The following RAD51B variants were observed in gnomAD, a reference collection of about 807,000 sequenced individuals.
RAD51B encodes the protein RAD51 paralog B, also known as DNA repair protein RAD51 homolog 2.
RAD51B carries 38 observed loss-of-function variants against 42.2 expected under a neutral mutation model. The ratio of observed to expected loss-of-function variants is 0.90; its 90% CI spans 0.70 to 1.18. The LOEUF (loss-of-function observed/expected upper bound fraction) is 1.18. RAD51B is among the 50% of genes most tolerant of loss of function. The pLI is 0.00. For missense variants in RAD51B, 373 were observed against 400.7 expected (o/e 0.93, Z 0.59); for synonymous variants, 154 against 145.2 (o/e 1.06, Z -0.43).
intron 10 of RAD51B, chr14:68,545,484 A>T: frequency 2.3e-6 from 1 of 443,388 alleles, no homozygotes; most frequent in Admixed American, 2.4e-5. Flanking sequence ...TCAGAATGGA[A>T]CAATATTGCC....
At chr14:67,826,814 C>CT (rs1469740812) in intron 3 of RAD51B, among the ~76,000 whole-genome samples, 1 of 152,004 alleles carries the variant, frequency 6.6e-6, no homozygotes, top group African/African-American at 2.4e-5. Flanking sequence ...TCCCGAGTGG[C>CT]TGGGACTACA....
intron 7 of RAD51B, among the ~76,000 whole-genome samples, chr14:67,999,644 C>T (rs144991744): frequency 2.1e-4 from 32 of 152,242 alleles, no homozygotes; most frequent in African/African-American, 7.2e-4. Flanking sequence ...GATAATAGTA[C>T]GTTATAGGAC....
At chr14:68,121,624 G>C (rs372898058) in intron 7 of RAD51B, among the ~76,000 whole-genome samples, 1 of 151,930 alleles carries the variant, frequency 6.6e-6, no homozygotes, top group Non-Finnish European at 1.5e-5. Context: ...TATTGTTATA[G>C]TAGCACTAGA....
At chr14:68,671,722 A>C (rs998670433) in intron 11 of RAD51B, among the ~76,000 whole-genome samples, 1 of 151,906 alleles carries the variant, frequency 6.6e-6, no homozygotes, top group African/African-American at 2.4e-5. Flanking sequence ...GTGTCCCCTA[A>C]CCTTGTCTCA....
At chr14:68,364,614 A>T (rs2083103080) in intron 8 of RAD51B, among the ~76,000 whole-genome samples, 2 of 152,150 alleles carry the variant, frequency 1.3e-5, no homozygotes, top group African/African-American at 4.8e-5. Context: ...ACAGCCTCAC[A>T]GGGCGCTGTG....
chr14:67,843,937 T>A (rs1208888946), intron 4 of RAD51B, among the ~76,000 whole-genome samples: 2 of 152,114 alleles, frequency 1.3e-5, no homozygotes. Flanking sequence ...CTAGGTTAGA[T>A]GTTAGGTTAT....
intron 7 of RAD51B, among the ~76,000 whole-genome samples, chr14:68,192,157 T>G (rs891169783): frequency 6.6e-6 from 1 of 152,176 alleles, no homozygotes; most frequent in Non-Finnish European, 1.5e-5. Context: ...ATTGAGTGAA[T>G]ATAAGGAGTT....
chr14:68,426,109 C>T (rs1339975681), intron 9 of RAD51B, among the ~76,000 whole-genome samples: 1 of 150,522 alleles, frequency 6.6e-6, no homozygotes, highest in Non-Finnish European at 1.5e-5. Flanking sequence ...ACTCTTGTTG[C>T]CTGGGCTGGA....
intron 3 of RAD51B, 138 bp downstream of exon 3, chr14:67,825,715 C>T: frequency 3.3e-6 from 2 of 608,484 alleles, no homozygotes; most frequent in Non-Finnish European, 5.1e-6. Flanking sequence ...GAAGTTAGTT[C>T]TCTAAGGAAA....
intron 7 of RAD51B, among the ~76,000 whole-genome samples, chr14:67,974,637 A>G (rs1012362140): frequency 1.3e-5 from 2 of 152,194 alleles, no homozygotes; most frequent in Non-Finnish European, 2.9e-5. Context: ...GTTTAAACTT[A>G]CTACAGTACA....
chr14:68,657,682 G>A (rs1892844735), intron 11 of RAD51B, among the ~76,000 whole-genome samples: 1 of 152,274 alleles, frequency 6.6e-6, no homozygotes. Context: ...TGTGTGTACT[G>A]AAGGAAGCCT....
chr14:67,940,854 G>A (rs758677912), intron 7 of RAD51B, among the ~76,000 whole-genome samples: 5 of 151,926 alleles, frequency 3.3e-5, no homozygotes, highest in Non-Finnish European at 7.4e-5. Flanking sequence ...TTCGCTGAAA[G>A]CACCAATTTT....
chr14:68,319,180 C>T (rs1181977451), intron 8 of RAD51B, among the ~76,000 whole-genome samples: 1 of 152,200 alleles, frequency 6.6e-6, no homozygotes, highest in Non-Finnish European at 1.5e-5. Context: ...TGCTTTGCCA[C>T]TCTGCATGTT....
rs529197555 is a variant in RAD51B at position 68,439,717 on chromosome 14, T to C, written c.957+28190T>C. On this transcript the variant is annotated intron_variant, in intron 9 of 10. Transcript: ENST00000471583. The stretch of plus-strand genomic sequence containing the variant: ...GAAAAGGAGCTCTTTTGGCCTAGCC[T>C]CCTTCCTGTAGGATTTTCCAAAACT... Among the ~76,000 whole-genome samples the C allele has an allele frequency of 2.7e-4, 41 of 152,342 alleles. No individual in the cohort carries two copies. The South Asian group carries it at 8.3e-3, about 31-fold the overall frequency.
chr14:68,470,086 A>C (rs2086083844), intron 10 of RAD51B, among the ~76,000 whole-genome samples: 1 of 152,222 alleles, frequency 6.6e-6, no homozygotes, highest in Non-Finnish European at 1.5e-5. Context: ...CTTTTCGAAA[A>C]AGTTGGAAAA....
Position 68,261,116 on chromosome 14 carries a change from C to CCTTGG in RAD51B, c.757-30768_757-30767insCTTGG, listed in dbSNP as rs2080879456. 2.6e-5 allele frequency among the ~76,000 whole-genome samples: 4 copies of CCTTGG among 152,306 alleles called. No homozygotes were observed. In the South Asian group the frequency reaches 8.3e-4, roughly 32 times the overall value. On this transcript the variant is annotated intron_variant, in intron 7 of 10. Transcript: ENST00000471583. ...CAATTGGTCACGAAGACCCTTGCAC[C>CCTTGG]TCCTCAAGGCTGTGTGCTGTGGATG...
At chr14:68,271,212 G>A in intron 7 of RAD51B, among the ~76,000 whole-genome samples, 1 of 152,196 alleles carries the variant, frequency 6.6e-6, no homozygotes. Context: ...CTACAGGGAA[G>A]GATTTCTATC....
chr14:68,235,731 A>G, intron 7 of RAD51B, among the ~76,000 whole-genome samples: 1 of 149,360 alleles, frequency 6.7e-6, no homozygotes, highest in South Asian at 2.1e-4. Flanking sequence ...AAAAAAAAAA[A>G]AGAGCTGAGA....
rs12895438 is a variant in RAD51B at position 68,655,674 on chromosome 14, G to C, written c.*11+4818G>C. 4.6e-3 allele frequency among the ~76,000 whole-genome samples: 696 copies of C among 152,226 alleles called. 7 individuals are homozygous for C. Among genetic ancestry groups the C allele is most frequent in the African/African-American group, 0.015 (634 of 41,560 alleles). On this transcript the variant is annotated intron_variant, in intron 11 of 11. Coordinates refer to the RAD51B transcript ENST00000488612. ...GGGCCTGCCAGGGACGCCCACCCGC[G>C]GGGCACTCTGGCATACATCTCGGAA...
Sources: allele counts gnomAD v4.1 joint callset (sites outside exome capture counted in the v4.1 genomes callset), GRCh38; gene constraint gnomAD v4.1.1; transcripts MANE v1.5; gene names NCBI Gene and HGNC (gene_info 2026-07-23, HGNC 2026-07-21).